The following GRID2IP variants were observed in gnomAD, a reference collection of about 807,000 sequenced individuals.
GRID2IP encodes the protein Grid2 interacting protein, also known as delphilin.
GRID2IP carries 78 observed loss-of-function variants against 114.3 expected under a neutral mutation model. That is an observed-to-expected ratio of 0.68 (90% CI 0.57 to 0.82). The LOEUF (loss-of-function observed/expected upper bound fraction) is 0.82. Among genes scored for constraint, GRID2IP ranks in the 40% least tolerant of loss-of-function variants. The probability of loss-of-function intolerance (pLI) is 0.00; values close to 1 mark genes in which losing one functional copy is unlikely to be tolerated. For synonymous variants in GRID2IP, 809 were observed against 724.0 expected (o/e 1.12, Z -1.89); for missense variants, 1,727 against 1,678.5 (o/e 1.03, Z -0.51).
chr7:6,546,468 C>T (rs1486732063), intron 1 of GRID2IP, among the ~76,000 whole-genome samples: 1 of 150,944 alleles, frequency 6.6e-6, no homozygotes, highest in Non-Finnish European at 1.5e-5. Context: ...TCTTGGGAGG[C>T]TGAGGCAGGA....
chr7:6,529,579 G>T (rs1779577634), intron 2 of GRID2IP, among the ~76,000 whole-genome samples: 2 of 152,208 alleles, frequency 1.3e-5, no homozygotes. Flanking sequence ...AAGGCTGCCT[G>T]GTGAGCCAGA....
rs1467008698 is a variant in GRID2IP at position 6,497,021 on chromosome 7, G to T, written c.*753C>A. On this transcript the variant is annotated 3_prime_UTR_variant, in exon 22 of 22. Coordinates refer to ENST00000457091, the MANE Select transcript of GRID2IP (RefSeq NM_001145118.2). ...AGGGAACATCACCATCCGTCCAGGT[G>T]AGAAGTCTGGCAGTTGGCCACCAGA... 6.6e-6 allele frequency among the ~76,000 whole-genome samples: 1 copy of T among 152,162 alleles called. No homozygotes were observed. The highest frequency in any genetic ancestry group is 6.5e-5 in the Admixed American group (1 of 15,274).
In GRID2IP at chr7:6,506,225, A is replaced by C. The variant is rs1007948357; in HGVS notation, c.2545-318T>G. On this transcript the variant is annotated intron_variant, in intron 13 of 21. Coordinates refer to ENST00000457091, the MANE Select transcript of GRID2IP (RefSeq NM_001145118.2). This position sits in a 1 kb window ranked among gnomAD's most constrained non-coding sequence, Gnocchi z 5.2. ...CTAGAGCCAAGTAAGGGGCTACCGGAGGTGGCTCAGGGGTCTGGCTCTGTC... is the reference window on the plus strand; with the variant it reads ...CTAGAGCCAAGTAAGGGGCTACCGGCGGTGGCTCAGGGGTCTGGCTCTGTC... 2.0e-5 allele frequency among the ~76,000 whole-genome samples: 3 copies of C among 152,224 alleles called. No individual in the cohort carries two copies. Among genetic ancestry groups the C allele is most frequent in the Admixed American group, 1.3e-4 (2 of 15,282 alleles).
intron 1 of GRID2IP, 105 bp from the exon 2 acceptor site, chr7:6,539,977 C>T (rs1779787733): frequency 3.0e-6 from 3 of 1,016,464 alleles, no homozygotes; most frequent in Non-Finnish European, 4.3e-6. Context: ...CACGGGATGG[C>T]TGACGTGGGC....
intron 1 of GRID2IP, among the ~76,000 whole-genome samples, chr7:6,543,120 T>G (rs1779837839): frequency 6.6e-6 from 1 of 152,214 alleles, no homozygotes; most frequent in South Asian, 2.1e-4. Flanking sequence ...TCCGGCCGGG[T>G]GCGGTGGCTC....
chr7:6,502,651 C>T, intron 18 of GRID2IP, 135 bp downstream of exon 18: 1 of 432,048 alleles, frequency 2.3e-6, no homozygotes, highest in Non-Finnish European at 4.5e-6. Flanking sequence ...TCAATGTGGC[C>T]CTTTTCCTGC....
chr7:6,503,430 C>A (rs1786474539), intron 16 of GRID2IP, 61 bp downstream of exon 16: 1 of 1,420,176 alleles, frequency 7.0e-7, no homozygotes, highest in Non-Finnish European at 9.2e-7. Context: ...GCAGCCCTGG[C>A]CACAGCGACA....
Position 6,506,579 on chromosome 7 carries a change from C to T in GRID2IP, c.2545-672G>A, listed in dbSNP as rs892947173. Among the ~76,000 whole-genome samples the T allele has an allele frequency of 6.6e-6, 1 of 152,132 alleles. No individual in the cohort carries two copies. Reference sequence around the variant, plus strand: ...CCACCTTTGGTAACCAATGGAAGAACCACGCTGTGGAGCAATACTTGAAGA... The same window carrying T: ...CCACCTTTGGTAACCAATGGAAGAATCACGCTGTGGAGCAATACTTGAAGA... On this transcript the variant is annotated intron_variant, in intron 13 of 21. Coordinates refer to ENST00000457091, the MANE Select transcript of GRID2IP (RefSeq NM_001145118.2). The surrounding 1 kb of genome is among the most constrained non-coding windows in gnomAD (Gnocchi z 5.2).
At position 6,509,983 on chromosome 7, in the gene GRID2IP, C is replaced by G. The variant is rs148065655; in HGVS notation, c.1771+300G>C. ...AGTTGGGACTACAGGCATATGCAAC[C>G]ATGCCCAGCTAATTTTGTATTTTTT... On this transcript the variant is annotated intron_variant, in intron 11 of 21. Coordinates refer to ENST00000457091, the MANE Select transcript of GRID2IP (RefSeq NM_001145118.2). This position sits in a 1 kb window ranked among gnomAD's most constrained non-coding sequence, Gnocchi z 4.9. Among the ~76,000 whole-genome samples, 818 of 152,288 alleles carry G rather than the reference C, an allele frequency of 5.4e-3. 2 individuals are homozygous for G. Among genetic ancestry groups the G allele is most frequent in the Non-Finnish European group, 8.7e-3 (595 of 68,030 alleles).
At chr7:6,501,134 T>G (rs528211021) in intron 20 of GRID2IP, among the ~76,000 whole-genome samples, 1 of 152,292 alleles carries the variant, frequency 6.6e-6, no homozygotes, top group African/African-American at 2.4e-5. Flanking sequence ...GTAGATCACC[T>G]GAGGTCAGGA....
chr7:6,504,694 C>G, intron 15 of GRID2IP, 99 bp downstream of exon 15: 2 of 925,322 alleles, frequency 2.2e-6, no homozygotes, highest in Non-Finnish European at 3.3e-6. Flanking sequence ...GGCCGGGTCC[C>G]CACCGCCTAA....
chr7:6,508,286 TGGTCAGAGATGGAGGAGTA>T lies in GRID2IP; in HGVS notation c.2224_2242del (p.Tyr742ThrfsTer81), dbSNP rs1422927037. ...GGGGCTGAGCGGGGGTGGGGGGATG[TGGTCAGAGATGGAGGAGTA>T]GGTCAGGGAGCTGCCTTCTTCACTG... is the stretch of plus-strand genomic sequence containing the variant. On this transcript the variant is annotated frameshift_variant, in exon 13 of 22. Coordinates refer to ENST00000457091, the MANE Select transcript of GRID2IP (RefSeq NM_001145118.2). LOFTEE classifies it high-confidence loss of function. This position sits in a 1 kb window ranked among gnomAD's most constrained non-coding sequence, Gnocchi z 5.6. 2 of 1,546,702 alleles carry T rather than the reference TGGTCAGAGATGGAGGAGTA, an allele frequency of 1.3e-6. No individual in the cohort carries two copies. The highest frequency in any genetic ancestry group is 1.7e-6 in the Non-Finnish European group (2 of 1,145,346).
At chr7:6,501,759 G>A (rs1199345908) in intron 20 of GRID2IP, 22 bp downstream of exon 20, 2 of 1,509,592 alleles carry the variant, frequency 1.3e-6, no homozygotes, top group South Asian at 1.2e-5. Flanking sequence ...CCTGGTGCAG[G>A]AACAGGCTGC....
rs1000104534 is a variant in GRID2IP, at chr7:6,508,180, C to T, written c.2349G>A (p.Ala783=). 1.2e-5 allele frequency: 18 copies of T among 1,509,460 alleles called. No individual in the cohort carries two copies. The highest frequency in any genetic ancestry group is 2.8e-5 in the African/African-American group (2 of 71,970). 93.5% of individuals were successfully genotyped at this position (1,509,460 alleles called of 1,614,324 possible). A position where few individuals can be genotyped will look rare whatever the true frequency, so the allele number is the denominator to read the frequency against. ...TGAGTTGGGTGAGGGGCTTGGCCAG[C>T]GCCTGAGCAGGGCCCCGGGAACCAT... is the stretch of plus-strand genomic sequence containing the variant. ...SSDGSRGPAQ[A]LAKPLTQLSH... The change falls in exon 13 of 22, where the codon GCG becomes GCA. Residue 783 remains alanine, a synonymous_variant. Transcript: ENST00000457091. This position sits in a 1 kb window ranked among gnomAD's most constrained non-coding sequence, Gnocchi z 5.6.
intron 1 of GRID2IP, among the ~76,000 whole-genome samples, chr7:6,541,007 GT>G: frequency 6.6e-6 from 1 of 151,798 alleles, no homozygotes; most frequent in Admixed American, 6.6e-5. Flanking sequence ...TGGCTAATCT[GT>G]TTTTTTATAA....
chr7:6,514,571 CTT>C (rs1431719194), intron 7 of GRID2IP, 42 bp from the exon 8 acceptor site: 9 of 1,455,168 alleles, frequency 6.2e-6, no homozygotes, highest in Non-Finnish European at 8.2e-6. Flanking sequence ...TACTCACGGG[CTT>C]ACCATGATGC....
chr7:6,502,709 C>G, intron 18 of GRID2IP, 77 bp downstream of exon 18: 1 of 1,074,372 alleles, frequency 9.3e-7, no homozygotes. Flanking sequence ...TGCCCTCTGC[C>G]ACAACTGAGC....
At chr7:6,515,905 T>C (rs976956099) in intron 7 of GRID2IP, among the ~76,000 whole-genome samples, 28 of 152,036 alleles carry the variant, frequency 1.8e-4, no homozygotes, top group African/African-American at 4.8e-4. Context: ...GAGACCAGTC[T>C]GGCCAACGTG....
In GRID2IP at chr7:6,528,355, G is replaced by C. The variant is rs547741562; in HGVS notation, c.585-1586C>G. 1.1e-4 allele frequency among the ~76,000 whole-genome samples: 17 copies of C among 152,148 alleles called. No homozygotes were observed. The highest frequency in any genetic ancestry group is 2.6e-4 in the Admixed American group (4 of 15,268). On this transcript the variant is annotated intron_variant, in intron 2 of 21. Transcript: ENST00000457091. The surrounding 1 kb of genome is among the most constrained non-coding windows in gnomAD (Gnocchi z 6.0). Reference sequence around the variant, plus strand: ...CAGTTAACATCCTGATGGACTCTCCGGTCTGTGGCAGAGGATTCTGAGGCA... The same window carrying C: ...CAGTTAACATCCTGATGGACTCTCCCGTCTGTGGCAGAGGATTCTGAGGCA...
Sources: allele counts gnomAD v4.1 joint callset (sites outside exome capture counted in the v4.1 genomes callset), GRCh38; gene constraint gnomAD v4.1.1; non-coding constraint Gnocchi (gnomAD v3.1); transcripts MANE v1.5; gene names NCBI Gene and HGNC (gene_info 2026-07-23, HGNC 2026-07-21).